LINGO2: variants seen among roughly 807,000 people sequenced by gnomAD.
The protein encoded by LINGO2 is leucine-rich repeat and immunoglobulin-like domain-containing nogo receptor-interacting protein 2.
Under a neutral mutation model 30.6 loss-of-function variants are expected in LINGO2, and 14 were observed. The observed-to-expected ratio is 0.46, with a 90% confidence interval of 0.30 to 0.72. The LOEUF (loss-of-function observed/expected upper bound fraction) is 0.72. Among genes scored for constraint, LINGO2 ranks in the 30% least tolerant of loss-of-function variants. The pLI, the probability that LINGO2 is intolerant of heterozygous loss-of-function variation, is 0.07. For synonymous variants in LINGO2, 317 were observed against 288.5 expected, an observed-to-expected ratio of 1.10 and a Z score of -1.00; for missense variants, 729 against 751.7, an observed-to-expected ratio of 0.97 and a Z score of 0.35.
the LINGO2 span, among the ~76,000 whole-genome samples, chr9:29,046,059 T>C: frequency 2.0e-5 from 3 of 152,150 alleles, no homozygotes; most frequent in Non-Finnish European, 4.4e-5. Context: ...GTATTCTAGA[T>C]AGAGAATCAT....
At chr9:28,555,523 A>G (rs1337736787) in intron 1 of LINGO2, among the ~76,000 whole-genome samples, 3 of 152,048 alleles carry the variant, frequency 2.0e-5, no homozygotes, top group Non-Finnish European at 4.4e-5. Flanking sequence ...CCAACCAATA[A>G]GAGTCCAGGA....
the LINGO2 span, among the ~76,000 whole-genome samples, chr9:28,689,461 C>G: frequency 6.6e-6 from 1 of 151,818 alleles, no homozygotes; most frequent in African/African-American, 2.4e-5. Flanking sequence ...AAAAAAAACT[C>G]AACATCATTA....
At chr9:28,025,267 CA>C (rs1476728646) in intron 4 of LINGO2, among the ~76,000 whole-genome samples, 1 of 152,174 alleles carries the variant, frequency 6.6e-6, no homozygotes, top group Non-Finnish European at 1.5e-5. Context: ...ATATTTCTTA[CA>C]GGGGCCCTCA....
chr9:29,086,055 C>A, the LINGO2 span, among the ~76,000 whole-genome samples: 1 of 152,044 alleles, frequency 6.6e-6, no homozygotes, highest in Non-Finnish European at 1.5e-5. Context: ...GGATGCTATG[C>A]CTATTTCATC....
At chr9:28,173,391 A>C (rs1828656594) in intron 4 of LINGO2, among the ~76,000 whole-genome samples, 1 of 152,176 alleles carries the variant, frequency 6.6e-6, no homozygotes, top group Non-Finnish European at 1.5e-5. Context: ...AACTCTAAGG[A>C]AATGGAAAAT....
At chr9:28,250,497 C>T (rs1299032191) in intron 4 of LINGO2, among the ~76,000 whole-genome samples, 1 of 152,088 alleles carries the variant, frequency 6.6e-6, no homozygotes, top group Non-Finnish European at 1.5e-5. Flanking sequence ...ACAAGTCAGC[C>T]TTTTCTAGTG....
intron 3 of LINGO2, among the ~76,000 whole-genome samples, chr9:28,320,741 A>G (rs1825011380): frequency 6.6e-6 from 1 of 152,166 alleles, no homozygotes; most frequent in African/African-American, 2.4e-5. Context: ...TCAAAGATCC[A>G]ATTCAATAGA....
intron 3 of LINGO2, among the ~76,000 whole-genome samples, chr9:28,333,956 A>G (rs986849383): frequency 6.6e-6 from 1 of 152,234 alleles, no homozygotes; most frequent in Non-Finnish European, 1.5e-5. Context: ...AAAGGGAACC[A>G]TGATACTGGG....
intron 1 of LINGO2, among the ~76,000 whole-genome samples, chr9:28,492,484 C>G (rs188662027): frequency 7.1e-4 from 108 of 152,276 alleles, no homozygotes; most frequent in African/African-American, 2.5e-3. Flanking sequence ...CAACCTGAAG[C>G]TGCATAACAT....
At chr9:28,431,063 A>AGAGAGAGAGAGAGG (rs1823655091) in intron 2 of LINGO2, among the ~76,000 whole-genome samples, 2 of 151,634 alleles carry the variant, frequency 1.3e-5, no homozygotes. Context: ...AGAGAGAGAG[A>AGAGAGAGAGAGAGG]GAGAGAGAAA....
chr9:28,744,607 C>CGTGTGTGTGTGTGTGTG, the LINGO2 span, among the ~76,000 whole-genome samples: 6 of 107,934 alleles, frequency 5.6e-5, no homozygotes, highest in Admixed American at 4.6e-4. Context: ...AGATATTCCC[C>CGTGTGTGTGTGTGTGTG]TCGTGTGTGT....
the LINGO2 span, among the ~76,000 whole-genome samples, chr9:28,833,773 A>G: frequency 0.37 from 56,961 of 152,036 alleles, 12,672 homozygotes; most frequent in Middle Eastern, 0.5. Flanking sequence ...AAAGAATAGA[A>G]AGAAAGCACG....
the LINGO2 span, among the ~76,000 whole-genome samples, chr9:28,707,126 AC>A: frequency 6.6e-6 from 1 of 152,244 alleles, no homozygotes; most frequent in East Asian, 1.9e-4. Context: ...GCTTTTGCTC[AC>A]AACTGTATTC....
At chr9:28,133,131 CA>C in intron 4 of LINGO2, among the ~76,000 whole-genome samples, 1 of 152,048 alleles carries the variant, frequency 6.6e-6, no homozygotes, top group Non-Finnish European at 1.5e-5. Context: ...ATTATTTGAA[CA>C]AAATTGCTGA....
At chr9:29,059,536 A>G in the LINGO2 span, among the ~76,000 whole-genome samples, 4 of 151,876 alleles carry the variant, frequency 2.6e-5, no homozygotes, top group Non-Finnish European at 5.9e-5. Flanking sequence ...ACAGACAAAT[A>G]GACGAATGAA....
At chr9:28,374,820 G>C (rs775584165) in intron 2 of LINGO2, among the ~76,000 whole-genome samples, 10 of 152,070 alleles carry the variant, frequency 6.6e-5, no homozygotes, top group Non-Finnish European at 1.2e-4. Flanking sequence ...AATTTACCAA[G>C]TTAGCCTGTG....
chr9:28,187,848 T>C (rs747188345), intron 4 of LINGO2, among the ~76,000 whole-genome samples: 2 of 152,170 alleles, frequency 1.3e-5, no homozygotes, highest in Non-Finnish European at 2.9e-5. Flanking sequence ...TAAACTTCTA[T>C]GATTTAATTG....
intron 4 of LINGO2, among the ~76,000 whole-genome samples, chr9:28,268,033 C>T (rs1436714944): frequency 6.6e-6 from 1 of 152,000 alleles, no homozygotes; most frequent in Non-Finnish European, 1.5e-5. Context: ...ACATAGTATC[C>T]ACTATTTAAA....
intron 4 of LINGO2, among the ~76,000 whole-genome samples, chr9:28,096,624 C>CACCT (rs1826249803): frequency 1.3e-5 from 2 of 152,022 alleles, no homozygotes; most frequent in African/African-American, 2.4e-5. Flanking sequence ...CTTACCCACC[C>CACCT]ACCTACCTAC....
Sources: gnomAD v4.1 joint callset for allele counts (sites outside exome capture counted in the v4.1 genomes callset) on GRCh38, gnomAD v4.1.1 for gene constraint, MANE v1.5 for transcripts, NCBI Gene and HGNC (gene_info 2026-07-23, HGNC 2026-07-21) for gene names.